Variants in HIVEP3 observed in about 807,000 individuals in gnomAD.
HIVEP3 encodes HIVEP zinc finger 3.
HIVEP3 carries 49 observed loss-of-function variants against 152.8 expected under a neutral mutation model. The observed-to-expected ratio is 0.32, with a 90% CI of 0.26 to 0.41. The LOEUF (loss-of-function observed/expected upper bound fraction) is 0.41, where lower values mean the gene tolerates loss of function less well. HIVEP3 is among the 10% of genes least tolerant of loss of function. HIVEP3 has a pLI of 1.00. For synonymous variants in HIVEP3, 1,269 were observed against 1,289.0 expected, an observed-to-expected ratio of 0.98 and a Z score of 0.33; for missense variants, 2,790 against 3,103.3, an observed-to-expected ratio of 0.90 and a Z score of 2.40.
intron 5 of HIVEP3, 96 bp from the exon 6 acceptor site, chr1:41,525,006 C>A: frequency 8.6e-7 from 1 of 1,166,160 alleles, no homozygotes; most frequent in Non-Finnish European, 1.2e-6. Flanking sequence ...TCATCCAGCC[C>A]GTTACAGACG....
intron 1 of HIVEP3, among the ~76,000 whole-genome samples, chr1:41,881,524 C>A (rs1282710409): frequency 6.6e-6 from 1 of 152,174 alleles, no homozygotes; most frequent in African/African-American, 2.4e-5. Flanking sequence ...ACATAGTAAT[C>A]AGTTCCAAAT....
At chr1:41,875,273 C>G (rs1157931845) in intron 1 of HIVEP3, among the ~76,000 whole-genome samples, 3 of 152,194 alleles carry the variant, frequency 2.0e-5, no homozygotes, top group Non-Finnish European at 2.9e-5. Flanking sequence ...TAGATGGTGC[C>G]TGGGAACTGT....
chr1:41,633,439 C>G (rs1645225602), intron 2 of HIVEP3, among the ~76,000 whole-genome samples: 2 of 152,208 alleles, frequency 1.3e-5, no homozygotes, highest in African/African-American at 4.8e-5. Flanking sequence ...AAATCCCCCC[C>G]AAAAAGAGTG....
intron 1 of HIVEP3, among the ~76,000 whole-genome samples, chr1:41,833,691 C>T (rs913343752): frequency 2.0e-5 from 3 of 152,132 alleles, no homozygotes; most frequent in African/African-American, 7.2e-5. Flanking sequence ...CTGCTGGCAT[C>T]AAACATCATG....
At chr1:41,982,813 C>A (rs932120416) in intron 1 of HIVEP3, among the ~76,000 whole-genome samples, 1 of 152,172 alleles carries the variant, frequency 6.6e-6, no homozygotes, top group Non-Finnish European at 1.5e-5. Flanking sequence ...TATTTGGTAT[C>A]CTCAAGGCTC....
At chr1:41,615,052 CGTT>C (rs1371906305) in intron 3 of HIVEP3, among the ~76,000 whole-genome samples, 1 of 152,074 alleles carries the variant, frequency 6.6e-6, no homozygotes, top group East Asian at 1.9e-4. Context: ...GTTTGGGAAA[CGTT>C]GTGCCATTTG....
chr1:41,758,475 G>T (rs1647461842), intron 1 of HIVEP3, among the ~76,000 whole-genome samples: 1 of 152,182 alleles, frequency 6.6e-6, no homozygotes, highest in Admixed American at 6.5e-5. Flanking sequence ...CAAGGTAGTG[G>T]TTCCCAAAAG....
intron 1 of HIVEP3, among the ~76,000 whole-genome samples, chr1:42,002,792 C>T (rs1398491480): frequency 6.6e-6 from 1 of 151,630 alleles, no homozygotes; most frequent in African/African-American, 2.4e-5. Context: ...GGTTCCCCCT[C>T]CCACCCTGCC....
At chr1:41,698,639 C>T (rs1031650664) in intron 2 of HIVEP3, among the ~76,000 whole-genome samples, 4 of 152,056 alleles carry the variant, frequency 2.6e-5, no homozygotes, top group Non-Finnish European at 5.9e-5. Flanking sequence ...CTACTGACAC[C>T]CCAACACATC....
chr1:41,586,334 C>T lies in HIVEP3; in HGVS notation c.-521-1016G>A, dbSNP rs1644506494. On this transcript the variant is annotated intron_variant, in intron 3 of 8. Transcript: ENST00000372583. ...ATCCCAAGGCTGGAGTCACCATGGA[C>T]TCCATCTCACCCAACCACCTGACTT... 3.9e-5 allele frequency among the ~76,000 whole-genome samples: 6 copies of T among 152,214 alleles called. No individual in the cohort carries two copies. The South Asian group carries it at 1.2e-3, about 32-fold the overall frequency.
intron 1 of HIVEP3, among the ~76,000 whole-genome samples, chr1:41,888,306 C>T (rs777298969): frequency 6.6e-6 from 1 of 150,642 alleles, no homozygotes; most frequent in Non-Finnish European, 1.5e-5. Context: ...CCCACCTTGG[C>T]CTCCCAAAGT....
At chr1:41,889,256 C>T (rs1004976981) in intron 1 of HIVEP3, among the ~76,000 whole-genome samples, 2 of 152,070 alleles carry the variant, frequency 1.3e-5, no homozygotes. Flanking sequence ...ACATCCCCTG[C>T]TACACACAAA....
chr1:41,956,377 G>A (rs1465459223), intron 1 of HIVEP3, among the ~76,000 whole-genome samples: 6 of 152,192 alleles, frequency 3.9e-5, no homozygotes, highest in African/African-American at 7.2e-5. Flanking sequence ...TGAGTTCTTA[G>A]GAGAAATGGA....
rs533116155 is a variant in HIVEP3, at chr1:41,784,377, T to G, written c.-800-83382A>C. Among the ~76,000 whole-genome samples, 19 of 152,366 alleles carry G rather than the reference T, an allele frequency of 1.2e-4. No individual in the cohort carries two copies. The Middle Eastern group carries it at 0.01, about 82-fold the overall frequency. ...TGTTGTGTTAAAGAAAATAAGCTATTAAAATTAGTTTCAACTGTTTCTCTT... is the reference window on the plus strand; with the variant it reads ...TGTTGTGTTAAAGAAAATAAGCTATGAAAATTAGTTTCAACTGTTTCTCTT... On this transcript the variant is annotated intron_variant, in intron 1 of 8. Coordinates refer to ENST00000372583, the MANE Select transcript of HIVEP3 (RefSeq NM_024503.5).
intron 1 of HIVEP3, among the ~76,000 whole-genome samples, chr1:41,797,430 C>A (rs1349051203): frequency 6.6e-6 from 1 of 152,196 alleles, no homozygotes. Context: ...AGATGAATTC[C>A]TCCAGGAAAC....
At chr1:41,854,032 C>A (rs977429080) in intron 1 of HIVEP3, among the ~76,000 whole-genome samples, 1 of 152,146 alleles carries the variant, frequency 6.6e-6, no homozygotes, top group Non-Finnish European at 1.5e-5. Context: ...AACCATAGAG[C>A]CTTACTAAGT....
rs1441912324 is a variant in HIVEP3, at chr1:41,781,667, G to T, written c.-800-80672C>A. ...TACCATGGTTTCCCAGGGTCAATGGGATAGAGAAAGGTGTTCTGGCTCTTA... is the reference window on the plus strand; with the variant it reads ...TACCATGGTTTCCCAGGGTCAATGGTATAGAGAAAGGTGTTCTGGCTCTTA... On this transcript the variant is annotated intron_variant, in intron 1 of 8. Coordinates refer to ENST00000372583, the MANE Select transcript of HIVEP3 (RefSeq NM_024503.5). Among the ~76,000 whole-genome samples, 4 of 152,168 alleles carry T rather than the reference G, an allele frequency of 2.6e-5. No individual in the cohort carries two copies. In the East Asian group the frequency reaches 7.7e-4, roughly 29 times the overall value.
At chr1:41,957,746 C>T (rs750620595) in intron 1 of HIVEP3, among the ~76,000 whole-genome samples, 1 of 152,170 alleles carries the variant, frequency 6.6e-6, no homozygotes, top group Non-Finnish European at 1.5e-5. Flanking sequence ...TAATGCAATC[C>T]AAAAATCCTT....
At chr1:41,682,888 G>A (rs1646061916) in intron 2 of HIVEP3, among the ~76,000 whole-genome samples, 2 of 152,178 alleles carry the variant, frequency 1.3e-5, no homozygotes, top group South Asian at 2.1e-4. Context: ...CAAAAGAGCT[G>A]CAAAGCGGGG....
Sources: gnomAD v4.1 joint callset for allele counts (sites outside exome capture counted in the v4.1 genomes callset) on GRCh38, gnomAD v4.1.1 for gene constraint, MANE v1.5 for transcripts, NCBI Gene and HGNC (gene_info 2026-07-23, HGNC 2026-07-21) for gene names.